The following EVA1C variants were observed in gnomAD, a reference collection of about 807,000 sequenced individuals.
EVA1C encodes eva-1 homolog C.
In EVA1C, 25 loss-of-function variants were observed where a neutral mutation model predicts 45.4. The observed-to-expected ratio is 0.55, with a 90% confidence interval of 0.40 to 0.77. The LOEUF (loss-of-function observed/expected upper bound fraction) is 0.77, where lower values mean the gene tolerates loss of function less well. EVA1C is among the 30% of genes least tolerant of loss of function. The probability of loss-of-function intolerance (pLI) is 0.00; values close to 1 mark genes in which losing one functional copy is unlikely to be tolerated. For synonymous variants in EVA1C, 190 were observed against 221.2 expected (o/e 0.86, Z 1.25); for missense variants, 479 against 554.8 (o/e 0.86, Z 1.37).
chr21:32,453,599 G>T, intron 2 of EVA1C, 91 bp downstream of exon 2: 2 of 1,002,754 alleles, frequency 2.0e-6, no homozygotes, highest in East Asian at 5.2e-5. Flanking sequence ...TGATTATATA[G>T]TTCAATCCAA....
At chr21:32,500,115 G>T (rs1210941125) in intron 5 of EVA1C, among the ~76,000 whole-genome samples, 1 of 151,708 alleles carries the variant, frequency 6.6e-6, no homozygotes, top group Non-Finnish European at 1.5e-5. Flanking sequence ...AGAGTTTGAT[G>T]GTGGGTTTTG....
chr21:32,493,774 A>T (rs1375139760), intron 4 of EVA1C: 2 of 75,070 alleles, frequency 2.7e-5, no homozygotes, highest in Admixed American at 1.3e-4. Flanking sequence ...TAGGCTTTTT[A>T]TTTATTTATT....
In EVA1C at chr21:32,413,073, C is replaced by T. The variant is rs184406439; in HGVS notation, c.160+60C>T. On this transcript the variant is annotated intron_variant, in intron 1 of 7. Transcript: ENST00000300255. ...ACCGCGGAGCGCCCAGGTGAACCCT[C>T]GACTGGGGGCAGCCGCACCAGTGGA... The T allele has an allele frequency of 4.6e-5, 59 of 1,282,672 alleles. 1 individual carries two copies. In the Admixed American group the frequency reaches 1.6e-3, roughly 34 times the overall value. 79.5% of individuals were successfully genotyped at this position (1,282,672 alleles called of 1,614,324 possible).
chr21:32,422,035 A>T (rs1450234974), intron 1 of EVA1C, among the ~76,000 whole-genome samples: 2 of 115,904 alleles, frequency 1.7e-5, no homozygotes, highest in Non-Finnish European at 3.3e-5. Flanking sequence ...ACAGAGCAAG[A>T]CCCTGTCTCA....
rs1361569254 is a variant in EVA1C, at chr21:32,452,216, C to T, written c.161-1096C>T. 4 of 152,272 alleles carry T rather than the reference C, an allele frequency of 2.6e-5. No homozygotes were observed. Among genetic ancestry groups the T allele is most frequent in the Non-Finnish European group, 5.9e-5 (4 of 68,068 alleles). The allele number at this position is 152,272 out of a possible 1,614,324, so 9.4% of individuals were successfully genotyped here. A position where few individuals can be genotyped will look rare whatever the true frequency, so the allele number is the denominator to read the frequency against. ...GGTTTATAAAGGTGCTTCAGGACTCCTTGGCTCCTGGCCAATATCTTAGTG... is the reference window on the plus strand; with the variant it reads ...GGTTTATAAAGGTGCTTCAGGACTCTTTGGCTCCTGGCCAATATCTTAGTG... On this transcript the variant is annotated intron_variant, in intron 1 of 7. Coordinates refer to ENST00000300255, the MANE Select transcript of EVA1C (RefSeq NM_058187.5). This position sits in a 1 kb window ranked among gnomAD's most constrained non-coding sequence, Gnocchi z 4.0.
intron 1 of EVA1C, among the ~76,000 whole-genome samples, chr21:32,433,697 C>T (rs969234768): frequency 6.6e-6 from 1 of 152,180 alleles, no homozygotes; most frequent in Non-Finnish European, 1.5e-5. Context: ...CAGAGCAGGG[C>T]ACTGTTGTGG....
intron 6 of EVA1C, among the ~76,000 whole-genome samples, chr21:32,503,444 G>C (rs2037623144): frequency 6.6e-6 from 1 of 152,144 alleles, no homozygotes; most frequent in Admixed American, 6.5e-5. Flanking sequence ...TACTCAGGAG[G>C]CTGAGGCAGG....
At position 32,448,558 on chromosome 21, in the gene EVA1C, A is replaced by AT. The variant is rs930369971; in HGVS notation, c.161-4745dup. On this transcript the variant is annotated intron_variant, in intron 1 of 7. Transcript: ENST00000300255. ...CTATCCTGGGGCCGAGGTGATAAGG[A>AT]TTTTTTTTTCCTTTTAAATAGACTT... 1.7e-4 allele frequency among the ~76,000 whole-genome samples: 25 copies of AT among 151,274 alleles called. No homozygotes were observed. In the South Asian group the frequency reaches 1.7e-3, roughly 10 times the overall value.
chr21:32,484,610 G>A (rs546487326), intron 4 of EVA1C, among the ~76,000 whole-genome samples: 37 of 151,976 alleles, frequency 2.4e-4, no homozygotes, highest in Admixed American at 2.1e-3. Context: ...TGTGTCACCC[G>A]GGGTTCTGTC....
At chr21:32,482,460 G>A (rs940237501) in intron 4 of EVA1C, among the ~76,000 whole-genome samples, 7 of 152,152 alleles carry the variant, frequency 4.6e-5, no homozygotes, top group African/African-American at 1.7e-4. Flanking sequence ...CCCCTTCACG[G>A]TTCTCCAATG....
At chr21:32,455,776 G>A (rs188000409) in intron 2 of EVA1C, among the ~76,000 whole-genome samples, 206 of 152,286 alleles carry the variant, frequency 1.4e-3, no homozygotes, top group Middle Eastern at 6.8e-3. Flanking sequence ...TAACCAGGCC[G>A]ACAGGTTAGC....
At chr21:32,467,607 C>T (rs986043574) in intron 3 of EVA1C, 89 bp from the exon 4 acceptor site, 42 of 1,347,386 alleles carry the variant, frequency 3.1e-5, no homozygotes, top group Middle Eastern at 2.0e-4. Context: ...GGTGCAGCCC[C>T]GGGGAAATGA....
chr21:32,449,598 G>T (rs1226015876), intron 1 of EVA1C, among the ~76,000 whole-genome samples: 1 of 151,786 alleles, frequency 6.6e-6, no homozygotes, highest in Non-Finnish European at 1.5e-5. Flanking sequence ...TGTGGGCCTA[G>T]GTTTCTTTCG....
At position 32,445,903 on chromosome 21, in the gene EVA1C, A is replaced by G. The variant is rs115097254; in HGVS notation, c.161-7409A>G. 7.6e-3 allele frequency among the ~76,000 whole-genome samples: 1,156 copies of G among 152,310 alleles called. 13 individuals are homozygous for G. The highest frequency in any genetic ancestry group is 0.026 in the African/African-American group (1,078 of 41,556). On this transcript the variant is annotated intron_variant, in intron 1 of 7. Transcript: ENST00000300255. Reference sequence around the variant, plus strand: ...CCAGGGAAGAGTATCTTGGAGTTACACATGAGCTGCACCAAGATCCCTGAG... The same window carrying G: ...CCAGGGAAGAGTATCTTGGAGTTACGCATGAGCTGCACCAAGATCCCTGAG...
In EVA1C at chr21:32,491,862, T is replaced by C. The variant is rs534432577; in HGVS notation, c.635-3165T>C. ...AGGTGCAGACGTGTGGAGTCAAAGGTGGCTGGAAAGAGTAAAGACAATCAT... is the reference window on the plus strand; with the variant it reads ...AGGTGCAGACGTGTGGAGTCAAAGGCGGCTGGAAAGAGTAAAGACAATCAT... On this transcript the variant is annotated intron_variant, in intron 4 of 7. Transcript: ENST00000300255. Among the ~76,000 whole-genome samples the C allele has an allele frequency of 6.6e-5, 10 of 151,286 alleles. No homozygotes were observed. The South Asian group carries it at 2.1e-3, about 32-fold the overall frequency.
chr21:32,452,153 C>A lies in EVA1C; in HGVS notation c.161-1159C>A, dbSNP rs1444577483. ...TGAAAGCCTCCCTCAGGATGGGCAT[C>A]CACACATCCAGGGGACACTCACCCC... On this transcript the variant is annotated intron_variant, in intron 1 of 7. Transcript: ENST00000300255. This position sits in a 1 kb window ranked among gnomAD's most constrained non-coding sequence, Gnocchi z 4.0. The A allele has an allele frequency of 6.6e-6, 1 of 152,246 alleles. No homozygotes were observed. The highest frequency in any genetic ancestry group is 1.5e-5 in the Non-Finnish European group (1 of 68,066). The allele number at this position is 152,246 out of a possible 1,614,324, so 9.4% of individuals were successfully genotyped here. A position where few individuals can be genotyped will look rare whatever the true frequency, so the allele number is the denominator to read the frequency against.
intron 5 of EVA1C, 91 bp downstream of exon 5, chr21:32,495,261 C>A: frequency 7.2e-7 from 1 of 1,380,250 alleles, no homozygotes; most frequent in Non-Finnish European, 1.0e-6. Context: ...TTGCCCAGAA[C>A]AAGCCAAACA....
At chr21:32,507,376 G>A (rs949564761) in intron 7 of EVA1C, among the ~76,000 whole-genome samples, 36 of 150,736 alleles carry the variant, frequency 2.4e-4, no homozygotes, top group Admixed American at 2.4e-3. Context: ...ATGTGTGTGT[G>A]CATGTGTGCA....
chr21:32,434,554 G>A (rs1464076722), intron 1 of EVA1C, among the ~76,000 whole-genome samples: 1 of 151,944 alleles, frequency 6.6e-6, no homozygotes, highest in Non-Finnish European at 1.5e-5. Context: ...TAGCGCCACT[G>A]CACTCCAGCC....
Sources: gnomAD v4.1 joint callset for allele counts (sites outside exome capture counted in the v4.1 genomes callset) on GRCh38, gnomAD v4.1.1 for gene constraint, Gnocchi (gnomAD v3.1) non-coding constraint, MANE v1.5 for transcripts, NCBI Gene and HGNC (gene_info 2026-07-23, HGNC 2026-07-21) for gene names.